Variants in FRMD5 observed in about 807,000 individuals in gnomAD.
FRMD5 encodes the protein FERM domain-containing protein 5.
In FRMD5, 20 loss-of-function variants were observed where a neutral mutation model predicts 69.0. That is an observed-to-expected ratio of 0.29 (90% confidence interval 0.20 to 0.42). The LOEUF is 0.42. Among genes scored for constraint, FRMD5 ranks in the 10% least tolerant of loss-of-function variants. The probability of loss-of-function intolerance (pLI) is 1.00; values close to 1 mark genes in which losing one functional copy is unlikely to be tolerated. For synonymous variants in FRMD5, 271 were observed against 260.1 expected (o/e 1.04, Z -0.40); for missense variants, 595 against 708.6 (o/e 0.84, Z 1.82).
At chr15:44,172,919 GT>G (rs2077829396) in intron 1 of FRMD5, among the ~76,000 whole-genome samples, 1 of 152,118 alleles carries the variant, frequency 6.6e-6, no homozygotes, top group Non-Finnish European at 1.5e-5. Context: ...CACCAACATT[GT>G]TTCCAACATT....
rs545341702 is a variant in FRMD5 at position 44,088,698 on chromosome 15, A to G, written c.102+106255T>C. ...ATTCATTCCATACCATATGCCAGGC[A>G]CTATGATGTACTTTATATATGTGCT... On this transcript the variant is annotated intron_variant, in intron 1 of 13. Transcript: ENST00000417257. Among the ~76,000 whole-genome samples, 34 of 152,330 alleles carry G rather than the reference A, an allele frequency of 2.2e-4. No individual in the cohort carries two copies. The Middle Eastern group carries it at 0.01, about 46-fold the overall frequency.
At chr15:44,178,330 TAAATA>T (rs1425106755) in intron 1 of FRMD5, among the ~76,000 whole-genome samples, 1 of 151,536 alleles carries the variant, frequency 6.6e-6, no homozygotes, top group African/African-American at 2.4e-5. Context: ...ATCTCAAAAA[TAAATA>T]AAATAAAAAA....
chr15:44,164,723 T>TTGG (rs2077680022), intron 1 of FRMD5, among the ~76,000 whole-genome samples: 1 of 152,218 alleles, frequency 6.6e-6, no homozygotes. Flanking sequence ...TGACTTGGGC[T>TTGG]TGGCTACTCA....
intron 1 of FRMD5, among the ~76,000 whole-genome samples, chr15:44,156,432 C>G (rs2077529625): frequency 6.6e-6 from 1 of 152,246 alleles, no homozygotes; most frequent in Admixed American, 6.5e-5. Flanking sequence ...GCGTGGGCCA[C>G]CTTGCCCAGC....
chr15:43,989,393 A>C (rs1889558588), intron 1 of FRMD5: 64 of 784,900 alleles, frequency 8.2e-5, no homozygotes, highest in South Asian at 8.0e-4. Flanking sequence ...CCCAGGAAGG[A>C]AGGCTGGAAG....
Position 43,872,443 on chromosome 15 carries a change from T to G in FRMD5, c.*1442A>C, listed in dbSNP as rs1446825654. The G allele has an allele frequency of 6.6e-6, 1 of 152,196 alleles. No individual in the cohort carries two copies. The highest frequency in any genetic ancestry group is 6.5e-5 in the Admixed American group (1 of 15,274). 9.4% of individuals were successfully genotyped at this position (152,196 alleles called of 1,614,324 possible). On this transcript the variant is annotated 3_prime_UTR_variant, in exon 14 of 14. Transcript: ENST00000417257. ...ATAAGCCCTCAAGCCCCAGATGACT[T>G]AGAAATCTCTCCCTGAGATGAAAAC...
At chr15:43,896,092 G>A (rs573778026) in intron 7 of FRMD5, among the ~76,000 whole-genome samples, 1 of 152,296 alleles carries the variant, frequency 6.6e-6, no homozygotes, top group African/African-American at 2.4e-5. Flanking sequence ...GTGCCCACAG[G>A]ACTGAGCCAT....
intron 1 of FRMD5, among the ~76,000 whole-genome samples, chr15:44,000,567 C>T (rs1444329983): frequency 6.6e-6 from 1 of 151,560 alleles, no homozygotes; most frequent in Non-Finnish European, 1.5e-5. Context: ...TCAAGCGATT[C>T]TCATGCTTCA....
chr15:44,008,584 T>C (rs1181619835), intron 1 of FRMD5, among the ~76,000 whole-genome samples: 2 of 151,936 alleles, frequency 1.3e-5, no homozygotes. Context: ...TTTTAACATG[T>C]GGTGCACCAA....
intron 1 of FRMD5, among the ~76,000 whole-genome samples, chr15:44,189,553 A>G (rs1007690093): frequency 2.7e-5 from 4 of 149,362 alleles, no homozygotes; most frequent in African/African-American, 5.0e-5. Context: ...CAATGGTGCT[A>G]TCTCGGCTCA....
intron 10 of FRMD5, among the ~76,000 whole-genome samples, chr15:43,887,835 T>C (rs955617343): frequency 6.6e-6 from 1 of 152,254 alleles, no homozygotes; most frequent in African/African-American, 2.4e-5. Flanking sequence ...TAGTAAAGCA[T>C]AAATCATTAC....
At chr15:44,054,683 A>T (rs1295892034) in intron 1 of FRMD5, among the ~76,000 whole-genome samples, 1 of 152,156 alleles carries the variant, frequency 6.6e-6, no homozygotes, top group African/African-American at 2.4e-5. Context: ...ATCATATGTA[A>T]ACTCTTTGGG....
intron 1 of FRMD5, among the ~76,000 whole-genome samples, chr15:44,088,066 A>G (rs1245641363): frequency 1.3e-5 from 2 of 152,162 alleles, no homozygotes; most frequent in East Asian, 3.8e-4. Flanking sequence ...GAGTGTTTAG[A>G]GAGGAAAGAT....
rs1230264280 is a variant in FRMD5 at position 44,146,840 on chromosome 15, GTTGT to G, written c.102+48109_102+48112del. 6.6e-5 allele frequency among the ~76,000 whole-genome samples: 10 copies of G among 152,208 alleles called. 1 individual carries two copies. The South Asian group carries it at 1.9e-3, about 28-fold the overall frequency. On this transcript the variant is annotated intron_variant, in intron 1 of 13. Coordinates refer to ENST00000417257, the MANE Select transcript of FRMD5 (RefSeq NM_032892.5). ...TGTCCTTTGGCCACTTTTTAATGGG[GTTGT>G]TTGATTTTTCTTGTACATTTGTTTA...
At chr15:43,874,782 C>T (rs1459991086) in intron 13 of FRMD5, among the ~76,000 whole-genome samples, 1 of 151,852 alleles carries the variant, frequency 6.6e-6, no homozygotes, top group African/African-American at 2.4e-5. Flanking sequence ...TGCCTGTAAT[C>T]CCAGTTACTT....
chr15:44,124,201 C>T (rs984654811), intron 1 of FRMD5, among the ~76,000 whole-genome samples: 2 of 151,746 alleles, frequency 1.3e-5, no homozygotes, highest in African/African-American at 4.8e-5. Context: ...CCATGTTGGC[C>T]AGGCTGGTCC....
At chr15:43,945,065 G>C (rs11634285) in intron 1 of FRMD5, among the ~76,000 whole-genome samples, 39 of 151,970 alleles carry the variant, frequency 2.6e-4, no homozygotes, top group Non-Finnish European at 4.7e-4. Context: ...GGGATTACAG[G>C]CATGTGCCAT....
Position 43,873,269 on chromosome 15 carries a change from C to CCAT in FRMD5, c.*613_*615dup, listed in dbSNP as rs2088213322. The CCAT allele has an allele frequency of 6.5e-7, 1 of 1,543,744 alleles. No homozygotes were observed. Among genetic ancestry groups the CCAT allele is most frequent in the Admixed American group, 2.0e-5 (1 of 49,008 alleles). On this transcript the variant is annotated 3_prime_UTR_variant, in exon 14 of 14. Transcript: ENST00000417257. Reference sequence around the variant, plus strand: ...AAAGGAAAAGAAAATCCAACTCAGACCATCATAAGAAGCAACTTTCCATTT... The same window carrying CCAT: ...AAAGGAAAAGAAAATCCAACTCAGACCATCATCATAAGAAGCAACTTTCCATTT...
chr15:44,085,089 A>G (rs1156925961), intron 1 of FRMD5, among the ~76,000 whole-genome samples: 1 of 152,186 alleles, frequency 6.6e-6, no homozygotes, highest in African/African-American at 2.4e-5. Context: ...GCTGTCATTT[A>G]TATAGATTCT....
Sources: allele counts gnomAD v4.1 joint callset (sites outside exome capture counted in the v4.1 genomes callset), GRCh38; gene constraint gnomAD v4.1.1; transcripts MANE v1.5; gene names NCBI Gene and HGNC (gene_info 2026-07-23, HGNC 2026-07-21).